Variants in SNX1 observed in about 807,000 individuals in gnomAD.
SNX1 encodes the protein sorting nexin-1.
Under a neutral mutation model 71.8 loss-of-function variants are expected in SNX1, and 36 were observed. That is an observed-to-expected ratio of 0.50 (90% confidence interval 0.38 to 0.66). The LOEUF is 0.66. SNX1 is among the 30% of genes least tolerant of loss of function. The pLI is 0.00. For synonymous variants in SNX1, 254 were observed against 240.7 expected (o/e 1.06, Z -0.51); for missense variants, 612 against 646.7 (o/e 0.95, Z 0.58).
chr15:64,098,719 A>G (rs1189332704), intron 1 of SNX1, among the ~76,000 whole-genome samples: 2 of 151,258 alleles, frequency 1.3e-5, no homozygotes, highest in Non-Finnish European at 2.9e-5. Context: ...GTAGAAATTT[A>G]AAAAAGAAAT....
intron 6 of SNX1, 70 bp from the exon 7 acceptor site, chr15:64,127,104 T>C: frequency 3.9e-6 from 5 of 1,269,458 alleles, no homozygotes; most frequent in Non-Finnish European, 5.6e-6. Flanking sequence ...CTGTTGACAC[T>C]TAAAAAAAAA....
At chr15:64,121,468 T>TC (rs1165352927) in intron 4 of SNX1, among the ~76,000 whole-genome samples, 3 of 152,190 alleles carry the variant, frequency 2.0e-5, no homozygotes, top group Admixed American at 1.3e-4. Flanking sequence ...CACATTGCCT[T>TC]CCCTCTATGC....
At chr15:64,130,116 G>A in intron 9 of SNX1, 87 bp downstream of exon 9, 1 of 1,474,872 alleles carries the variant, frequency 6.8e-7, no homozygotes. Context: ...TCTGAGATTA[G>A]AAACTTTTTT....
In SNX1 at chr15:64,119,186, A is replaced by C. The variant is rs994538482; in HGVS notation, c.466+332A>C. Among the ~76,000 whole-genome samples the C allele has an allele frequency of 5.3e-5, 8 of 152,190 alleles. No homozygotes were observed. In the East Asian group the frequency reaches 1.4e-3, roughly 26 times the overall value. On this transcript the variant is annotated intron_variant, in intron 4 of 14. Transcript: ENST00000559844. ...CAGAATGGAGCACAGTAGCACTATC[A>C]TAGCTCACTATCATCTCCAGCTCCT...
At chr15:64,104,131 G>A (rs1449899972) in intron 1 of SNX1, among the ~76,000 whole-genome samples, 6 of 152,088 alleles carry the variant, frequency 3.9e-5, no homozygotes, top group South Asian at 2.1e-4. Flanking sequence ...GTTTTACTTC[G>A]CATAAGTTTA....
chr15:64,131,282 G>A (rs1417148058), intron 10 of SNX1, among the ~76,000 whole-genome samples: 1 of 152,144 alleles, frequency 6.6e-6, no homozygotes, highest in African/African-American at 2.4e-5. Context: ...ACTCTAGAAC[G>A]TGCAAGACTA....
In SNX1 at chr15:64,118,800, G is replaced by T. The variant is rs2081160419; in HGVS notation, c.412G>T (p.Glu138Ter). Residue 138 changes from glutamate to a stop codon, truncating the protein, a stop_gained, in exon 4 of 15, where the codon GAA (glutamate) becomes TAA (stop). Transcript: ENST00000559844. LOFTEE classifies it high-confidence loss of function. ...TTTCTTGAAAAAGCTAGAGGAAGAA[G>T]AACAGGAGGATCAATTTGATTTGAC... ...QPTYEELEEE[E>*]QEDQFDLTVG... is the part of the protein sequence containing the mutation. 6.2e-7 allele frequency: 1 copy of T among 1,613,072 alleles called. No individual in the cohort carries two copies. Among genetic ancestry groups the T allele is most frequent in the South Asian group, 1.1e-5 (1 of 91,008 alleles).
At chr15:64,126,768 C>G (rs1467461872) in intron 6 of SNX1, among the ~76,000 whole-genome samples, 1 of 152,090 alleles carries the variant, frequency 6.6e-6, no homozygotes, top group East Asian at 1.9e-4. Flanking sequence ...TTAGTAGAAA[C>G]AGGGTTTTAC....
Position 64,134,993 on chromosome 15 carries a change from T to G in SNX1, c.1365+186T>G. The G allele has an allele frequency of 1.5e-6, 1 of 680,110 alleles. No individual in the cohort carries two copies. The highest frequency in any genetic ancestry group is 3.1e-5 in the Admixed American group (1 of 32,700). The allele number at this position is 680,110 out of a possible 1,614,324, so 42.1% of individuals were successfully genotyped here. The stretch of plus-strand genomic sequence containing the variant: ...TTCCTGAGGCCTAGTCCCCCTGTTC[T>G]TTTTCTACTCTACGCAGACTTGTCA... On this transcript the variant is annotated intron_variant, in intron 12 of 14. Coordinates refer to ENST00000559844, the MANE Select transcript of SNX1 (RefSeq NM_003099.5). This position sits in a 1 kb window ranked among gnomAD's most constrained non-coding sequence, Gnocchi z 4.1.
chr15:64,118,720 A>C, intron 3 of SNX1, 68 bp from the exon 4 acceptor site: 2 of 1,188,424 alleles, frequency 1.7e-6, no homozygotes, highest in Non-Finnish European at 2.5e-6. Context: ...GTATAAGGTT[A>C]TTACAGGGTA....
At chr15:64,096,247 A>C (rs1048505308) in intron 1 of SNX1, 75 bp downstream of exon 1, 1 of 1,501,686 alleles carries the variant, frequency 6.7e-7, no homozygotes, top group Middle Eastern at 2.3e-4. Flanking sequence ...AGAATCGGGG[A>C]GGTTGGGCAG....
chr15:64,100,604 C>CAAAAA (rs34663775), intron 1 of SNX1, among the ~76,000 whole-genome samples: 2 of 102,560 alleles, frequency 2.0e-5, no homozygotes, highest in Admixed American at 9.5e-5. Flanking sequence ...AACTCCATCT[C>CAAAAA]AAAAAAAAAA....
chr15:64,096,399 G>C (rs982371411), intron 1 of SNX1, among the ~76,000 whole-genome samples: 3 of 152,202 alleles, frequency 2.0e-5, no homozygotes, highest in Non-Finnish European at 2.9e-5. Flanking sequence ...TCGTCGGCTA[G>C]CTCCCTAACA....
At chr15:64,110,972 G>A (rs141152757) in intron 1 of SNX1, among the ~76,000 whole-genome samples, 17 of 152,278 alleles carry the variant, frequency 1.1e-4, no homozygotes, top group African/African-American at 4.1e-4. Flanking sequence ...TGCCTTTTCT[G>A]TTGTTTTAAT....
intron 8 of SNX1, 48 bp downstream of exon 8, chr15:64,127,854 G>A: frequency 6.9e-7 from 1 of 1,456,326 alleles, no homozygotes; most frequent in Non-Finnish European, 9.6e-7. Flanking sequence ...TCTGCCCCTA[G>A]TGAAACGAAA....
chr15:64,127,325 G>A (rs1191459883), intron 7 of SNX1, 73 bp downstream of exon 7: 25 of 1,155,252 alleles, frequency 2.2e-5, no homozygotes, highest in Non-Finnish European at 2.9e-5. Flanking sequence ...TCTAAATGAC[G>A]AGACAGTCCA....
At chr15:64,110,984 T>A (rs1195888290) in intron 1 of SNX1, among the ~76,000 whole-genome samples, 9 of 152,184 alleles carry the variant, frequency 5.9e-5, no homozygotes, top group African/African-American at 1.9e-4. Flanking sequence ...TGTTTTAATC[T>A]CCCCCGTGAG....
At chr15:64,109,233 T>A (rs1327788610) in intron 1 of SNX1, among the ~76,000 whole-genome samples, 1 of 150,852 alleles carries the variant, frequency 6.6e-6, no homozygotes, top group African/African-American at 2.4e-5. Flanking sequence ...GTTAGTTGGG[T>A]GTGGTGGCAC....
At position 64,136,300 on chromosome 15, in the gene SNX1, G is replaced by A. The variant is rs1039721059; in HGVS notation, c.1366-30G>A. ...GCTTAATAATGGTGCCATAATATGA[G>A]GTGATCCTTTCTTTCCTCTTTCTTC... On this transcript the variant is annotated intron_variant, in intron 12 of 14. Coordinates refer to ENST00000559844, the MANE Select transcript of SNX1 (RefSeq NM_003099.5). 5 of 1,555,150 alleles carry A rather than the reference G, an allele frequency of 3.2e-6. 1 individual carries two copies. Among genetic ancestry groups the A allele is most frequent in the African/African-American group, 2.7e-5 (2 of 73,704 alleles).
Sources: gnomAD v4.1 joint callset for allele counts (sites outside exome capture counted in the v4.1 genomes callset) on GRCh38, gnomAD v4.1.1 for gene constraint, Gnocchi (gnomAD v3.1) non-coding constraint, MANE v1.5 for transcripts, NCBI Gene and HGNC (gene_info 2026-07-23, HGNC 2026-07-21) for gene names.